KCTD13: variants seen among roughly 807,000 people sequenced by gnomAD.
KCTD13 encodes potassium channel tetramerization domain containing 13, also known as BTB/POZ domain-containing adapter for CUL3-mediated RhoA degradation protein 1.
In KCTD13, 15 loss-of-function variants were observed where a neutral mutation model predicts 32.3. The ratio of observed to expected loss-of-function variants is 0.46; its 90% CI spans 0.31 to 0.71. The LOEUF is 0.71. Among genes scored for constraint, KCTD13 ranks in the 30% least tolerant of loss-of-function variants. KCTD13 has a pLI of 0.05. For synonymous variants in KCTD13, 189 were observed against 200.1 expected (o/e 0.94, Z 0.47); for missense variants, 337 against 452.6 (o/e 0.74, Z 2.32).
At chr16:29,921,284 G>C (rs1379482804) in intron 2 of KCTD13, 1 of 152,144 alleles carries the variant, frequency 6.6e-6, no homozygotes, top group African/African-American at 2.4e-5. Flanking sequence ...GCAGGGGACT[G>C]GGAATGAAGG....
chr16:29,926,216 GCCGGGCAGCTGCGCAGGCGCGGCC>G, exon 1 of KCTD13: 1 of 641,278 alleles, frequency 1.6e-6, no homozygotes, highest in Non-Finnish European at 2.4e-6. Context: ...GGAAGCCGGC[GCCGGGCAGCTGCGCAGGCGCGGCC>G]CCGCCCCTGA....
chr16:29,911,814 C>T lies in KCTD13; in HGVS notation c.557+1G>A, dbSNP rs1486403395. ...CCAGTGCCCCGCACCCCGGCGGTCACCTGGTGTAGGAGTACTTGTTGTTAC... is the reference window on the plus strand; with the variant it reads ...CCAGTGCCCCGCACCCCGGCGGTCATCTGGTGTAGGAGTACTTGTTGTTAC... On this transcript the variant is annotated splice_donor_variant, in intron 4 of 5. Transcript: ENST00000568000. LOFTEE classifies it high-confidence loss of function. The T allele has an allele frequency of 9.3e-6, 15 of 1,612,684 alleles. No individual in the cohort carries two copies. The highest frequency in any genetic ancestry group is 1.3e-5 in the Non-Finnish European group (15 of 1,179,668).
intron 2 of KCTD13, 87 bp from the exon 3 acceptor site, chr16:29,912,136 A>G: frequency 2.4e-6 from 2 of 850,052 alleles, no homozygotes; most frequent in Non-Finnish European, 3.9e-6. Context: ...GGTTGGGAAC[A>G]ACTCCAGACT....
chr16:29,917,074 A>G (rs936253539), intron 2 of KCTD13, among the ~76,000 whole-genome samples: 1 of 152,180 alleles, frequency 6.6e-6, no homozygotes, highest in Non-Finnish European at 1.5e-5. Flanking sequence ...CATTTCTGCA[A>G]TGTCCTATTG....
rs576085315 is a variant in KCTD13, at chr16:29,913,093, A to T, written c.415-1044T>A. ...TAAGACTCTCTAAAATTAACAGAGA[A>T]TAATAAAAGTCTACAATTACTGAGG... On this transcript the variant is annotated intron_variant, in intron 2 of 5. Transcript: ENST00000568000. 2.0e-5 allele frequency: 3 copies of T among 152,176 alleles called. No individual in the cohort carries two copies. In the South Asian group the frequency reaches 6.2e-4, roughly 32 times the overall value. 9.4% of individuals were successfully genotyped at this position (152,176 alleles called of 1,614,324 possible).
Position 29,906,750 on chromosome 16 carries a change from T to C in KCTD13, c.*122A>G. 1.3e-6 allele frequency: 1 copy of C among 775,350 alleles called. No homozygotes were observed. The highest frequency in any genetic ancestry group is 2.7e-5 in the East Asian group (1 of 37,324). 48.0% of individuals were successfully genotyped at this position (775,350 alleles called of 1,614,324 possible). A position where few individuals can be genotyped will look rare whatever the true frequency, so the allele number is the denominator to read the frequency against. On this transcript the variant is annotated 3_prime_UTR_variant, in exon 6 of 6. Coordinates refer to ENST00000568000, the MANE Select transcript of KCTD13 (RefSeq NM_178863.5). ...GGCCAAAGTGAGCTGTGCCATGCAA[T>C]GAAGGGACAGAGGAGGACCCACGAC...
intron 5 of KCTD13, among the ~76,000 whole-genome samples, chr16:29,908,488 G>A (rs116629288): frequency 0.016 from 2,479 of 152,148 alleles, 67 homozygotes; most frequent in African/African-American, 0.057. Flanking sequence ...AAGTTCAAGC[G>A]ATTTTCCTGC....
chr16:29,925,662 G>A (rs562615030), intron 1 of KCTD13, 128 bp downstream of exon 1: 7 of 874,164 alleles, frequency 8.0e-6, no homozygotes, highest in South Asian at 7.7e-5. Flanking sequence ...GCTGGAGGGA[G>A]CTGAGAATGA....
At chr16:29,923,148 C>T (rs375994019) in intron 2 of KCTD13, 42 bp downstream of exon 2, 2 of 1,604,418 alleles carry the variant, frequency 1.2e-6, no homozygotes, top group Non-Finnish European at 1.7e-6. Context: ...GCTTGGGCAG[C>T]TCTCCCAGGA....
Position 29,925,962 on chromosome 16 carries a change from G to C in KCTD13, c.72C>G (p.Leu24=), listed in dbSNP as rs778182979. ...GACCGTAGGCGGCGGGGCCAGGCTC[G>C]AGACCCGAGGGCTTGGGGGCTTCCA... ...PSLEAPKPSG[L]EPGPAAYGLK... The change falls in exon 1 of 6, where the codon CTC becomes CTG. Residue 24 remains leucine, a synonymous_variant. Coordinates refer to ENST00000568000, the MANE Select transcript of KCTD13 (RefSeq NM_178863.5). The C allele has an allele frequency of 3.1e-6, 5 of 1,613,056 alleles. No homozygotes were observed. In the Admixed American group the frequency reaches 5.0e-5, roughly 16 times the overall value.
intron 5 of KCTD13, among the ~76,000 whole-genome samples, chr16:29,909,890 C>T (rs4788189): frequency 0.52 from 77,923 of 151,026 alleles, 20,389 homozygotes; most frequent in Non-Finnish European, 0.55. Flanking sequence ...ACCAACATGG[C>T]GAAGTCTCTA....
intron 1 of KCTD13, chr16:29,925,472 G>C: frequency 2.4e-6 from 1 of 415,532 alleles, no homozygotes; most frequent in Admixed American, 3.9e-5. Context: ...CCCAAGTCTT[G>C]AGCTGAGGGG....
chr16:29,908,438 G>A (rs536696222), intron 5 of KCTD13, among the ~76,000 whole-genome samples: 16 of 151,948 alleles, frequency 1.1e-4, no homozygotes, highest in East Asian at 5.8e-4. Flanking sequence ...AGGCTGGAGC[G>A]CAATGGCACA....
At chr16:29,910,956 T>C (rs1235150408) in intron 5 of KCTD13, 22 bp downstream of exon 5, 2 of 1,606,072 alleles carry the variant, frequency 1.2e-6, no homozygotes, top group Admixed American at 1.7e-5. Flanking sequence ...GCCCCCAACA[T>C]AGGCTCTGGA....
intron 2 of KCTD13, among the ~76,000 whole-genome samples, chr16:29,912,655 G>C (rs1032814974): frequency 6.6e-6 from 1 of 152,148 alleles, no homozygotes; most frequent in Non-Finnish European, 1.5e-5. Context: ...GGTCAGGCTG[G>C]TCATGAACTC....
intron 2 of KCTD13, among the ~76,000 whole-genome samples, chr16:29,917,884 G>A (rs1409868898): frequency 6.6e-6 from 1 of 152,154 alleles, no homozygotes; most frequent in Non-Finnish European, 1.5e-5. Flanking sequence ...GGAGGTGGAG[G>A]TTGCAGTGAG....
At chr16:29,915,851 CCTTGT>C (rs1323879840) in intron 2 of KCTD13, among the ~76,000 whole-genome samples, 5 of 152,148 alleles carry the variant, frequency 3.3e-5, no homozygotes, top group African/African-American at 1.2e-4. Flanking sequence ...GTATTTAATG[CCTTGT>C]ATTTAATCTT....
chr16:29,915,187 C>A lies in KCTD13; in HGVS notation c.415-3138G>T, dbSNP rs534856022. 2.0e-5 allele frequency: 3 copies of A among 152,386 alleles called. No homozygotes were observed. The East Asian group carries it at 5.8e-4, about 29-fold the overall frequency. The allele number at this position is 152,386 out of a possible 1,614,324, so 9.4% of individuals were successfully genotyped here. ...GCAGCTCCACAGTTTCATCTGCCTG[C>A]TTCCTGCCTGTAAAAGTTTGGGTGT... On this transcript the variant is annotated intron_variant, in intron 2 of 5. Coordinates refer to ENST00000568000, the MANE Select transcript of KCTD13 (RefSeq NM_178863.5).
At chr16:29,922,232 G>A (rs2068926702) in intron 2 of KCTD13, 1 of 151,526 alleles carries the variant, frequency 6.6e-6, no homozygotes, top group Non-Finnish European at 1.5e-5. Flanking sequence ...CATGGATATT[G>A]TCCAAAGGAG....
Sources: allele counts gnomAD v4.1 joint callset (sites outside exome capture counted in the v4.1 genomes callset), GRCh38; gene constraint gnomAD v4.1.1; transcripts MANE v1.5; gene names NCBI Gene and HGNC (gene_info 2026-07-23, HGNC 2026-07-21).